The following LAMA4 variants were observed in gnomAD, a reference collection of about 807,000 sequenced individuals.
The protein encoded by LAMA4 is laminin subunit alpha-4.
LAMA4 carries 127 observed loss-of-function variants against 207.1 expected under a neutral mutation model. That is an observed-to-expected ratio of 0.61 (90% confidence interval 0.53 to 0.71). The LOEUF (loss-of-function observed/expected upper bound fraction) is 0.71. Among genes scored for constraint, LAMA4 ranks in the 30% least tolerant of loss-of-function variants. The pLI, the probability that LAMA4 is intolerant of heterozygous loss-of-function variation, is 0.00. For missense variants in LAMA4, 2,093 were observed against 2,246.5 expected (o/e 0.93, Z 1.38); for synonymous variants, 761 against 816.0 (o/e 0.93, Z 1.15).
chr6:112,216,855 G>C, intron 2 of LAMA4: 1 of 284,052 alleles, frequency 3.5e-6, no homozygotes, highest in Non-Finnish European at 6.8e-6. Context: ...TCAGGGTGAG[G>C]TCATGCTCCC....
chr6:112,177,134 G>T (rs1161403203), intron 10 of LAMA4, among the ~76,000 whole-genome samples: 1 of 152,126 alleles, frequency 6.6e-6, no homozygotes, highest in Non-Finnish European at 1.5e-5. Context: ...AGAATATTTT[G>T]TCAGGAAACT....
chr6:112,136,300 G>A (rs1159346440), intron 24 of LAMA4, 46 bp from the exon 25 acceptor site: 2 of 1,495,536 alleles, frequency 1.3e-6, no homozygotes, highest in Non-Finnish European at 1.9e-6. Context: ...TGTTATGCGA[G>A]TAGAGTCAGA....
intron 9 of LAMA4, among the ~76,000 whole-genome samples, chr6:112,183,670 G>T (rs934182707): frequency 6.6e-6 from 1 of 152,082 alleles, no homozygotes. Flanking sequence ...AAGAATTAAG[G>T]CTGGGCGTGG....
chr6:112,194,329 A>G (rs1254413891), intron 5 of LAMA4, among the ~76,000 whole-genome samples: 3 of 152,192 alleles, frequency 2.0e-5, no homozygotes, highest in African/African-American at 7.2e-5. Context: ...TAACTTTTTC[A>G]TTTAATTCCA....
At chr6:112,143,740 T>G (rs1779849311) in intron 19 of LAMA4, among the ~76,000 whole-genome samples, 1 of 152,216 alleles carries the variant, frequency 6.6e-6, no homozygotes. Context: ...AGTCTGTCTT[T>G]AGCAAATGGT....
intron 4 of LAMA4, among the ~76,000 whole-genome samples, chr6:112,204,998 A>C (rs1341894615): frequency 3.3e-5 from 5 of 152,186 alleles, no homozygotes; most frequent in Admixed American, 2.0e-4. Context: ...AGGAAAAAAC[A>C]TCGGGGGAAT....
intron 12 of LAMA4, among the ~76,000 whole-genome samples, chr6:112,165,566 T>C (rs1290285732): frequency 2.0e-5 from 3 of 152,232 alleles, no homozygotes; most frequent in African/African-American, 7.2e-5. Flanking sequence ...CATTTGTCTC[T>C]TTTTCCCAGA....
At chr6:112,219,489 A>G (rs1784810348) in intron 2 of LAMA4, 1 of 152,190 alleles carries the variant, frequency 6.6e-6, no homozygotes, top group South Asian at 2.1e-4. Context: ...ATACTAGACA[A>G]CTGTAAAAAC....
chr6:112,235,120 T>C (rs1785822649), intron 2 of LAMA4, among the ~76,000 whole-genome samples: 1 of 152,284 alleles, frequency 6.6e-6, no homozygotes, highest in African/African-American at 2.4e-5. Flanking sequence ...GTTAGAACTG[T>C]CCTGCCTCCC....
intron 2 of LAMA4, among the ~76,000 whole-genome samples, chr6:112,237,097 C>T (rs1029059281): frequency 6.6e-6 from 1 of 152,184 alleles, no homozygotes; most frequent in Admixed American, 6.5e-5. Flanking sequence ...TTGTTGTCCT[C>T]AGTACTCCCA....
intron 12 of LAMA4, chr6:112,171,754 C>T (rs1781729999): frequency 6.6e-6 from 1 of 151,224 alleles, no homozygotes; most frequent in South Asian, 2.1e-4. Flanking sequence ...CATTAGCAAA[C>T]AGTGGTGATG....
chr6:112,226,304 T>A (rs556562836), intron 2 of LAMA4, among the ~76,000 whole-genome samples: 1 of 152,168 alleles, frequency 6.6e-6, no homozygotes, highest in Non-Finnish European at 1.5e-5. Context: ...CATACAAGGA[T>A]CCAACCTTAA....
chr6:112,165,052 T>A (rs1781302761), intron 13 of LAMA4, 108 bp downstream of exon 13: 9 of 779,490 alleles, frequency 1.2e-5, no homozygotes, highest in Non-Finnish European at 2.1e-5. Context: ...CTGATCTTTA[T>A]AATGCCTGCT....
chr6:112,251,149 G>A (rs1787421543), intron 2 of LAMA4: 1 of 152,218 alleles, frequency 6.6e-6, no homozygotes, highest in Non-Finnish European at 1.5e-5. Flanking sequence ...GTTACCCACA[G>A]GTGCTCTTCT....
chr6:112,120,341 C>A lies in LAMA4; in HGVS notation c.4607G>T (p.Gly1536Val), dbSNP rs368316926. 1 of 1,613,728 alleles carries A rather than the reference C, an allele frequency of 6.2e-7. No individual in the cohort carries two copies. Among genetic ancestry groups the A allele is most frequent in the African/African-American group, 1.3e-5 (1 of 74,882 alleles). ...HGRLVYMFNV[G>V]HKKLKIRSQE... Reference sequence around the variant, plus strand: ...GCTTCTAATCTTCAGTTTTTTGTGACCAACATTAAACATGTAAACCAAGCG... The same window carrying A: ...GCTTCTAATCTTCAGTTTTTTGTGAACAACATTAAACATGTAAACCAAGCG... Residue 1536 changes from glycine (G) to valine (V), a missense_variant, in exon 33 of 39, where the codon GGT (glycine) becomes GTT (valine). Coordinates refer to ENST00000230538, the MANE Select transcript of LAMA4 (RefSeq NM_001105206.3).
rs1028096387 is a variant in LAMA4 at position 112,206,889 on chromosome 6, A to T, written c.422+132T>A. On this transcript the variant is annotated intron_variant, in intron 4 of 38. Coordinates refer to ENST00000230538, the MANE Select transcript of LAMA4 (RefSeq NM_001105206.3). ...TAGAAACTTTTTCTATATCTTTTCC[A>T]GTCTCATCTCAATATGAGGTTTTGC... 4 of 1,029,174 alleles carry T rather than the reference A, an allele frequency of 3.9e-6. No individual in the cohort carries two copies. In the Admixed American group the frequency reaches 7.9e-5, roughly 20 times the overall value. The allele number at this position is 1,029,174 out of a possible 1,614,324, so 63.8% of individuals were successfully genotyped here. A position where few individuals can be genotyped will look rare whatever the true frequency, so the allele number is the denominator to read the frequency against.
chr6:112,181,634 TG>T (rs1782363512), intron 9 of LAMA4, among the ~76,000 whole-genome samples: 1 of 152,210 alleles, frequency 6.6e-6, no homozygotes, highest in African/African-American at 2.4e-5. Flanking sequence ...AGTGTACCCA[TG>T]CCAAAATATT....
chr6:112,188,243 T>G (rs1782809300), intron 7 of LAMA4, among the ~76,000 whole-genome samples: 1 of 152,232 alleles, frequency 6.6e-6, no homozygotes, highest in Non-Finnish European at 1.5e-5. Flanking sequence ...GTTGTTAATA[T>G]GTTAATTTGT....
intron 2 of LAMA4, chr6:112,234,262 G>C (rs184527025): frequency 6.6e-6 from 1 of 151,980 alleles, no homozygotes; most frequent in Admixed American, 6.5e-5. Context: ...GAGTAACTGC[G>C]AGACTGGTTT....
Sources: gnomAD v4.1 joint callset for allele counts (sites outside exome capture counted in the v4.1 genomes callset) on GRCh38, gnomAD v4.1.1 for gene constraint, MANE v1.5 for transcripts, NCBI Gene and HGNC (gene_info 2026-07-23, HGNC 2026-07-21) for gene names.